BCAS3: variants seen among roughly 807,000 people sequenced by gnomAD.
BCAS3 encodes BCAS4/BCAS3 fusion.
Under a neutral mutation model 116.1 loss-of-function variants are expected in BCAS3, and 53 were observed. That is an observed-to-expected ratio of 0.46 (90% CI 0.37 to 0.57). The LOEUF (loss-of-function observed/expected upper bound fraction) is 0.57. Ranked by LOEUF, BCAS3 falls within the 20% of genes least tolerant of loss-of-function variation. The probability of loss-of-function intolerance (pLI) is 0.00; values close to 1 mark genes in which losing one functional copy is unlikely to be tolerated. For synonymous variants in BCAS3, 391 were observed against 408.2 expected (o/e 0.96, Z 0.51); for missense variants, 917 against 1,165.4 (o/e 0.79, Z 3.10).
In BCAS3 at chr17:60,747,192, A is replaced by G. The variant is rs1377559601; in HGVS notation, c.322-6A>G. The G allele has an allele frequency of 6.2e-7, 1 of 1,601,552 alleles. No individual in the cohort carries two copies. The highest frequency in any genetic ancestry group is 1.3e-5 in the African/African-American group (1 of 74,770). On this transcript the variant is annotated splice_polypyrimidine_tract_variant and splice_region_variant and intron_variant, in intron 5 of 23. Transcript: ENST00000407086. Reference sequence around the variant, plus strand: ...ACTGAAATATTTTCTTTCTTCTCTTATGCAGATCAGTGGTGAAGCACAAGA... The same window carrying G: ...ACTGAAATATTTTCTTTCTTCTCTTGTGCAGATCAGTGGTGAAGCACAAGA...
chr17:61,287,262 A>G (rs1374121011), intron 22 of BCAS3, among the ~76,000 whole-genome samples: 6 of 151,784 alleles, frequency 4.0e-5, no homozygotes, highest in East Asian at 1.9e-4. Flanking sequence ...AAAAAACTCT[A>G]TGGAGTTGGG....
chr17:60,905,185 C>T (rs1231412823), intron 11 of BCAS3, among the ~76,000 whole-genome samples: 1 of 152,008 alleles, frequency 6.6e-6, no homozygotes, highest in Non-Finnish European at 1.5e-5. Flanking sequence ...ATATATAGGA[C>T]ACAATATATG....
intron 19 of BCAS3, among the ~76,000 whole-genome samples, chr17:61,048,950 A>C (rs2068591005): frequency 6.6e-6 from 1 of 152,024 alleles, no homozygotes; most frequent in Non-Finnish European, 1.5e-5. Context: ...CTTAGATCTA[A>C]ATATAAAAAA....
Position 61,339,094 on chromosome 17 carries a change from T to C in BCAS3, c.2426-29233T>C, listed in dbSNP as rs2056953166. Among the ~76,000 whole-genome samples, 1 of 152,108 alleles carries C rather than the reference T, an allele frequency of 6.6e-6. No individual in the cohort carries two copies. Among genetic ancestry groups the C allele is most frequent in the South Asian group, 2.1e-4 (1 of 4,826 alleles). Reference sequence around the variant, plus strand: ...CATTTTCTCATGTTCTTTTGGACTCTATTACTCAATCAGTGACATGTGACC... The same window carrying C: ...CATTTTCTCATGTTCTTTTGGACTCCATTACTCAATCAGTGACATGTGACC... On this transcript the variant is annotated intron_variant, in intron 22 of 23. Coordinates refer to ENST00000407086, the MANE Select transcript of BCAS3 (RefSeq NM_017679.5). The surrounding 1 kb of genome is among the most constrained non-coding windows in gnomAD (Gnocchi z 4.4).
chr17:60,998,449 G>C (rs1349588448), intron 15 of BCAS3, among the ~76,000 whole-genome samples: 1 of 152,152 alleles, frequency 6.6e-6, no homozygotes, highest in Non-Finnish European at 1.5e-5. Context: ...GACTGAACTA[G>C]TTTCCATTTC....
intron 22 of BCAS3, among the ~76,000 whole-genome samples, chr17:61,353,374 G>A (rs1352853042): frequency 6.6e-6 from 1 of 152,216 alleles, no homozygotes. Context: ...GGTGACGCCG[G>A]CGGTCTGGGG....
intron 6 of BCAS3, among the ~76,000 whole-genome samples, chr17:60,774,818 A>G (rs1362982164): frequency 6.6e-6 from 1 of 152,246 alleles, no homozygotes; most frequent in Non-Finnish European, 1.5e-5. Flanking sequence ...AAGTTGGGGC[A>G]TTCACAGGGC....
chr17:60,887,592 C>G (rs934918622), intron 9 of BCAS3: 1 of 152,156 alleles, frequency 6.6e-6, no homozygotes, highest in Non-Finnish European at 1.5e-5. Flanking sequence ...AGTCCCAGCA[C>G]CGTTTGTTGA....
intron 11 of BCAS3, among the ~76,000 whole-genome samples, chr17:60,904,356 A>C (rs2058077011): frequency 6.6e-6 from 1 of 152,118 alleles, no homozygotes; most frequent in African/African-American, 2.4e-5. Flanking sequence ...GTGAGCTGAG[A>C]TCACGCCACT....
In BCAS3 at chr17:61,227,995, A is replaced by C. The variant is rs2082458430; in HGVS notation, c.2426-140332A>C. 6.6e-6 allele frequency among the ~76,000 whole-genome samples: 1 copy of C among 152,086 alleles called. No individual in the cohort carries two copies. Among genetic ancestry groups the C allele is most frequent in the East Asian group, 1.9e-4 (1 of 5,186 alleles). ...AGGTGTAGCCATAGAATCCCTTTCC[A>C]CCTGGAGACTGTCCTTTCCAATTTC... On this transcript the variant is annotated intron_variant, in intron 22 of 23. Coordinates refer to ENST00000407086, the MANE Select transcript of BCAS3 (RefSeq NM_017679.5). This position sits in a 1 kb window ranked among gnomAD's most constrained non-coding sequence, Gnocchi z 6.1.
At chr17:61,271,361 C>CAA (rs2050233944) in intron 22 of BCAS3, among the ~76,000 whole-genome samples, 2 of 147,762 alleles carry the variant, frequency 1.4e-5, no homozygotes, top group East Asian at 4.0e-4. Context: ...CTCCTGACCT[C>CAA]GTGATCCGCC....
chr17:61,205,969 A>C lies in BCAS3; in HGVS notation c.2425+121405A>C, dbSNP rs2081098739. On this transcript the variant is annotated intron_variant, in intron 22 of 23. Transcript: ENST00000407086. The surrounding 1 kb of genome is among the most constrained non-coding windows in gnomAD (Gnocchi z 5.2). ...TCTTTCAGTGATCTGTACCCATCAG[A>C]CCAGTAGAATTTGAACTTTTTTCCC... 6.6e-6 allele frequency among the ~76,000 whole-genome samples: 1 copy of C among 152,196 alleles called. No homozygotes were observed. The highest frequency in any genetic ancestry group is 1.5e-5 in the Non-Finnish European group (1 of 68,034).
chr17:61,243,472 A>G lies in BCAS3; in HGVS notation c.2426-124855A>G, dbSNP rs1454908953. Among the ~76,000 whole-genome samples the G allele has an allele frequency of 6.6e-6, 1 of 152,138 alleles. No homozygotes were observed. The highest frequency in any genetic ancestry group is 1.5e-5 in the Non-Finnish European group (1 of 68,038). ...AAGTGGAGATACCTCTTCGAGATCC[A>G]CATTTCAGTTCCTTTTGATATATAC... On this transcript the variant is annotated intron_variant, in intron 22 of 23. Transcript: ENST00000407086. This position sits in a 1 kb window ranked among gnomAD's most constrained non-coding sequence, Gnocchi z 5.6.
Position 61,368,274 on chromosome 17 carries a change from G to A in BCAS3, c.2426-53G>A, listed in dbSNP as rs1240528111. 18 of 1,532,788 alleles carry A rather than the reference G, an allele frequency of 1.2e-5. No individual in the cohort carries two copies. The highest frequency in any genetic ancestry group is 1.5e-5 in the Non-Finnish European group (17 of 1,130,078). The allele number at this position is 1,532,788 out of a possible 1,614,324, so 94.9% of individuals were successfully genotyped here. ...AGCGGGTGGGAGGTAGACAAGAATG[G>A]CCTGCTCCCTGAAGGTGTGGACTCA... On this transcript the variant is annotated intron_variant, in intron 22 of 23. Coordinates refer to ENST00000407086, the MANE Select transcript of BCAS3 (RefSeq NM_017679.5). This position sits in a 1 kb window ranked among gnomAD's most constrained non-coding sequence, Gnocchi z 6.0.
chr17:60,704,985 A>G (rs1351254507), intron 4 of BCAS3, among the ~76,000 whole-genome samples: 5 of 152,134 alleles, frequency 3.3e-5, no homozygotes, highest in African/African-American at 7.2e-5. Flanking sequence ...TCAAAGGGCC[A>G]CATGGACCTT....
rs370486443 is a variant in BCAS3 at position 61,358,724 on chromosome 17, G to A, written c.2426-9603G>A. On this transcript the variant is annotated intron_variant, in intron 22 of 23. Coordinates refer to ENST00000407086, the MANE Select transcript of BCAS3 (RefSeq NM_017679.5). ...TTGGCCAGGCTGGTTTTGAACTTCC[G>A]GCCTCAGGTGATCCGCCTGCCTCAG... Among the ~76,000 whole-genome samples, 20 of 151,972 alleles carry A rather than the reference G, an allele frequency of 1.3e-4. No homozygotes were observed. The East Asian group carries it at 3.1e-3, about 24-fold the overall frequency.
chr17:60,766,022 G>C (rs565722537), intron 6 of BCAS3, among the ~76,000 whole-genome samples: 3 of 152,100 alleles, frequency 2.0e-5, no homozygotes, highest in Non-Finnish European at 4.4e-5. Context: ...TCGTGCCATG[G>C]TTTTCAGCTC....
chr17:60,754,414 G>A (rs1207471336), intron 6 of BCAS3, among the ~76,000 whole-genome samples: 2 of 151,930 alleles, frequency 1.3e-5, no homozygotes, highest in African/African-American at 4.8e-5. Context: ...GTGCAATGGC[G>A]TGGTCGGAGA....
intron 14 of BCAS3, among the ~76,000 whole-genome samples, chr17:60,983,788 T>C (rs1019475307): frequency 2.0e-5 from 3 of 152,212 alleles, no homozygotes; most frequent in African/African-American, 7.2e-5. Flanking sequence ...ATGATAAATC[T>C]AAGGATGCCT....
Sources: gnomAD v4.1 joint callset for allele counts (sites outside exome capture counted in the v4.1 genomes callset) on GRCh38, gnomAD v4.1.1 for gene constraint, Gnocchi (gnomAD v3.1) non-coding constraint, MANE v1.5 for transcripts, NCBI Gene and HGNC (gene_info 2026-07-23, HGNC 2026-07-21) for gene names.